The following CIB1 variants were observed in gnomAD, a reference collection of about 807,000 sequenced individuals.
CIB1 encodes calcium and integrin-binding protein 1.
In CIB1, 19 loss-of-function variants were observed where a neutral mutation model predicts 25.0. That is an observed-to-expected ratio of 0.76 (90% confidence interval 0.53 to 1.12). The LOEUF is 1.12. Among genes scored for constraint, CIB1 ranks in the 50% most tolerant of loss-of-function variants. CIB1 has a pLI of 0.00. For synonymous variants in CIB1, 104 were observed against 98.5 expected (o/e 1.06, Z -0.33); for missense variants, 236 against 242.6 (o/e 0.97, Z 0.18).
chr15:90,233,975 C>T, upstream of CIB1: 1 of 1,357,456 alleles, frequency 7.4e-7, no homozygotes, highest in South Asian at 1.5e-5. Flanking sequence ...CTGCCCGGTC[C>T]CCGCGGCAAC....
At chr15:90,247,908 T>A in the CIB1 span, among the ~76,000 whole-genome samples, 1 of 151,938 alleles carries the variant, frequency 6.6e-6, no homozygotes, top group African/African-American at 2.4e-5. Flanking sequence ...TTTATTTTTT[T>A]ATTTTTTTAT....
chr15:90,232,509 G>T, intron 2 of CIB1, 182 bp from the exon 3 acceptor site: 1 of 910,948 alleles, frequency 1.1e-6, no homozygotes, highest in Non-Finnish European at 1.5e-6. Flanking sequence ...CAGCCTAGGA[G>T]TCTATTCTTG....
At chr15:90,259,339 A>G in the CIB1 span, among the ~76,000 whole-genome samples, 1 of 152,012 alleles carries the variant, frequency 6.6e-6, no homozygotes, top group African/African-American at 2.4e-5. Context: ...GCAGTGAGCC[A>G]TGTTTGCACC....
At chr15:90,250,895 T>C in the CIB1 span, 1 of 1,612,902 alleles carries the variant, frequency 6.2e-7, no homozygotes, top group Non-Finnish European at 8.5e-7. Flanking sequence ...CAGGTAACTA[T>C]TCCCTAGATC....
At chr15:90,263,504 C>A in the CIB1 span, 2 of 517,748 alleles carry the variant, frequency 3.9e-6, no homozygotes, top group Non-Finnish European at 6.8e-6. Context: ...TGCCAGTGCC[C>A]CAGCTCTAAT....
At chr15:90,247,080 A>G in the CIB1 span, among the ~76,000 whole-genome samples, 1 of 151,440 alleles carries the variant, frequency 6.6e-6, no homozygotes, top group Non-Finnish European at 1.5e-5. Flanking sequence ...GATTCAAGCA[A>G]TTCTCCTGCC....
chr15:90,242,141 G>A, the CIB1 span: 6 of 1,248,176 alleles, frequency 4.8e-6, no homozygotes, highest in East Asian at 4.9e-5. Context: ...AGGCTAGAGT[G>A]TAGTGGTATG....
the CIB1 span, chr15:90,262,053 G>T: frequency 7.2e-6 from 11 of 1,535,820 alleles, no homozygotes; most frequent in Non-Finnish European, 8.7e-6. Context: ...GACCAGGAAC[G>T]ATATGAGGAT....
chr15:90,244,351 G>T, the CIB1 span: 1 of 152,168 alleles, frequency 6.6e-6, no homozygotes, highest in Non-Finnish European at 1.5e-5. Context: ...TCCTCCGTCT[G>T]CATCTGAGTC....
chr15:90,265,416 G>T, the CIB1 span: 1 of 1,279,272 alleles, frequency 7.8e-7, no homozygotes, highest in Non-Finnish European at 9.9e-7. Context: ...GGCAGCCGCT[G>T]GGGCGGAGGG....
At chr15:90,265,236 C>T in the CIB1 span, 2 of 1,320,816 alleles carry the variant, frequency 1.5e-6, no homozygotes, top group Non-Finnish European at 1.9e-6. Context: ...CTGGGTTTAT[C>T]GCTAGGTGAT....
intron 3 of CIB1, 33 bp downstream of exon 3, chr15:90,232,186 G>T: frequency 6.5e-7 from 1 of 1,540,494 alleles, no homozygotes; most frequent in South Asian, 1.1e-5. Flanking sequence ...AGGGAGTGGT[G>T]GGAGAGGTGT....
At chr15:90,233,609 C>T in intron 2 of CIB1, 60 bp downstream of exon 2, 2 of 1,540,514 alleles carry the variant, frequency 1.3e-6, no homozygotes, top group Non-Finnish European at 1.8e-6. Context: ...CGGGACAGCG[C>T]CCCCGAAGCT....
the CIB1 span, chr15:90,256,153 C>T: frequency 6.2e-7 from 1 of 1,614,172 alleles, no homozygotes. Context: ...ATGGGGACTT[C>T]CAGTCCTACG....
At chr15:90,251,454 G>C in the CIB1 span, 18 of 1,271,524 alleles carry the variant, frequency 1.4e-5, no homozygotes, top group Non-Finnish European at 2.1e-5. Context: ...GTGGCTTCTA[G>C]AGAAAAGGAA....
In CIB1 at chr15:90,232,185, T is replaced by C. The variant is rs57243900; in HGVS notation, c.195+34A>G. ...AGGGGGTCTAGCAGGGAGGGAGTGG[T>C]GGGAGAGGTGTCAAAGGAGGGGAGC... On this transcript the variant is annotated intron_variant, in intron 3 of 6. Coordinates refer to ENST00000328649, the MANE Select transcript of CIB1 (RefSeq NM_006384.4). The C allele has an allele frequency of 5.9e-3, 8,981 of 1,534,026 alleles. 343 individuals carry two copies. In the African/African-American group the frequency reaches 0.093, roughly 16 times the overall value.
intron 3 of CIB1, among the ~76,000 whole-genome samples, chr15:90,231,806 G>C (rs1052525738): frequency 6.6e-6 from 1 of 152,238 alleles, no homozygotes. Context: ...AAGGGAACGA[G>C]ATGGGCTGGT....
chr15:90,253,755 T>C, the CIB1 span, among the ~76,000 whole-genome samples: 2 of 152,172 alleles, frequency 1.3e-5, no homozygotes, highest in Non-Finnish European at 2.9e-5. Context: ...CCACATCCAT[T>C]AGGAGACTGC....
the CIB1 span, among the ~76,000 whole-genome samples, chr15:90,261,467 T>C: frequency 6.6e-6 from 1 of 151,832 alleles, no homozygotes; most frequent in Non-Finnish European, 1.5e-5. Context: ...GATAATGGAC[T>C]GCTAGCTTAC....
Sources: allele counts gnomAD v4.1 joint callset (sites outside exome capture counted in the v4.1 genomes callset), GRCh38; gene constraint gnomAD v4.1.1; transcripts MANE v1.5; gene names NCBI Gene and HGNC (gene_info 2026-07-23, HGNC 2026-07-21).